The following EYS variants were observed in gnomAD, a reference collection of about 807,000 sequenced individuals.
EYS encodes EGF-like photoreceptor maintenance factor.
A neutral mutation model predicts 282.1 loss-of-function variants in EYS; 250 were observed. The ratio of observed to expected loss-of-function variants is 0.89; its 90% CI spans 0.80 to 0.98. EYS has a LOEUF of 0.98. EYS is among the 50% of genes least tolerant of loss of function. The pLI, the probability that EYS is intolerant of heterozygous loss-of-function variation, is 0.00. For missense variants in EYS, 4,016 were observed against 3,709.0 expected, an observed-to-expected ratio of 1.08 and a Z score of -2.15; for synonymous variants, 1,355 against 1,282.9, an observed-to-expected ratio of 1.06 and a Z score of -1.20.
intron 22 of EYS, among the ~76,000 whole-genome samples, chr6:64,759,854 T>C (rs927134254): frequency 2.0e-5 from 3 of 152,292 alleles, no homozygotes; most frequent in South Asian, 2.1e-4. Context: ...GGACAACATA[T>C]TACTGCTTAT....
rs1765149874 is a variant in EYS at position 65,469,968 on chromosome 6, T to C, written c.862+20626A>G. Among the ~76,000 whole-genome samples the C allele has an allele frequency of 2.0e-5, 3 of 152,204 alleles. No homozygotes were observed. In the South Asian group the frequency reaches 6.2e-4, roughly 31 times the overall value. On this transcript the variant is annotated intron_variant, in intron 5 of 42. Transcript: ENST00000503581. ...CCTCCACATGGCATTTTAAATTTTA[T>C]GTATGGCTTTTAAAAATTGTCTATA... is the stretch of plus-strand genomic sequence containing the variant.
Position 65,690,391 on chromosome 6 carries a change from G to C in EYS, c.-448+16744C>G, listed in dbSNP as rs571308178. ...AGCCCTATCTTATCCATATGGACAGGTGCCCCTCATGCGTCCGTTTATAAA... is the reference window on the plus strand; with the variant it reads ...AGCCCTATCTTATCCATATGGACAGCTGCCCCTCATGCGTCCGTTTATAAA... On this transcript the variant is annotated intron_variant, in intron 1 of 42. Coordinates refer to ENST00000503581, the MANE Select transcript of EYS (RefSeq NM_001142800.2). 2.7e-5 allele frequency among the ~76,000 whole-genome samples: 4 copies of C among 149,594 alleles called. No individual in the cohort carries two copies. In the Admixed American group the frequency reaches 2.7e-4, roughly 10 times the overall value.
At chr6:64,220,501 G>A (rs1395791966) in intron 31 of EYS, among the ~76,000 whole-genome samples, 1 of 152,104 alleles carries the variant, frequency 6.6e-6, no homozygotes, top group Non-Finnish European at 1.5e-5. Flanking sequence ...ATTGGATGAG[G>A]GGTAGTTCCC....
intron 29 of EYS, among the ~76,000 whole-genome samples, chr6:64,307,750 G>A (rs1769508759): frequency 1.3e-5 from 2 of 151,964 alleles, no homozygotes. Flanking sequence ...GTAACTATAT[G>A]TGATAATGGA....
At chr6:65,244,519 T>A (rs893069645) in intron 12 of EYS, among the ~76,000 whole-genome samples, 8 of 151,988 alleles carry the variant, frequency 5.3e-5, no homozygotes, top group African/African-American at 1.9e-4. Flanking sequence ...TTTATTTATT[T>A]ATTTATTATT....
chr6:65,310,572 G>A (rs1000069278), intron 11 of EYS, among the ~76,000 whole-genome samples: 4 of 152,038 alleles, frequency 2.6e-5, no homozygotes, highest in African/African-American at 9.7e-5. Context: ...TGCCCTTCAA[G>A]GCTCCATGTG....
chr6:65,210,931 AACACACACAC>A (rs59095242), intron 12 of EYS, among the ~76,000 whole-genome samples: 3 of 148,400 alleles, frequency 2.0e-5, no homozygotes, highest in Admixed American at 6.7e-5. Context: ...AAGTCGTACA[AACACACACAC>A]ACACACACAC....
At chr6:64,086,885 A>G (rs1371022637) in intron 31 of EYS, among the ~76,000 whole-genome samples, 1 of 152,160 alleles carries the variant, frequency 6.6e-6, no homozygotes, top group Non-Finnish European at 1.5e-5. Flanking sequence ...AGAAACGATT[A>G]TAACATAGTT....
At chr6:64,328,805 T>G (rs988344376) in intron 29 of EYS, among the ~76,000 whole-genome samples, 4 of 151,986 alleles carry the variant, frequency 2.6e-5, no homozygotes, top group Non-Finnish European at 5.9e-5. Flanking sequence ...GAAGATGTGG[T>G]TGTGGTCATG....
chr6:65,058,998 C>G (rs569785545), intron 12 of EYS, among the ~76,000 whole-genome samples: 1 of 151,788 alleles, frequency 6.6e-6, no homozygotes, highest in South Asian at 2.1e-4. Flanking sequence ...TAATAGGAAT[C>G]AACGTACTGG....
chr6:65,533,005 T>G (rs1767834391), intron 2 of EYS, among the ~76,000 whole-genome samples: 1 of 152,006 alleles, frequency 6.6e-6, no homozygotes, highest in Non-Finnish European at 1.5e-5. Flanking sequence ...TATAGATTTT[T>G]AATAATAAAA....
rs1468963459 is a variant in EYS, at chr6:65,383,837, C to G, written c.1299+549G>C. 1.3e-5 allele frequency among the ~76,000 whole-genome samples: 2 copies of G among 151,784 alleles called. 1 individual carries two copies. Among genetic ancestry groups the G allele is most frequent in the Admixed American group, 1.3e-4 (2 of 15,160 alleles). ...ACACCATGATGAATTTGTCCGTTCT[C>G]TTATTTACCAGGTTTAGTTTCAGAT... On this transcript the variant is annotated intron_variant, in intron 8 of 42. Coordinates refer to ENST00000503581, the MANE Select transcript of EYS (RefSeq NM_001142800.2).
chr6:63,730,294 C>G (rs1019604213), intron 41 of EYS, among the ~76,000 whole-genome samples: 9 of 152,134 alleles, frequency 5.9e-5, no homozygotes, highest in Non-Finnish European at 1.2e-4. Context: ...GATCTTTTTA[C>G]TTTTTGTCTT....
chr6:65,381,908 T>A (rs906011276), intron 8 of EYS, among the ~76,000 whole-genome samples: 2 of 151,990 alleles, frequency 1.3e-5, no homozygotes, highest in African/African-American at 4.8e-5. Context: ...CTGTTTTACA[T>A]AAAAGTAAGG....
At chr6:64,411,937 G>A (rs1373368101) in intron 28 of EYS, among the ~76,000 whole-genome samples, 5 of 151,108 alleles carry the variant, frequency 3.3e-5, no homozygotes, top group Admixed American at 2.6e-4. Context: ...ATGTATATAT[G>A]TTTATATATG....
intron 31 of EYS, among the ~76,000 whole-genome samples, chr6:64,110,984 A>G (rs1283780757): frequency 3.3e-5 from 5 of 152,036 alleles, no homozygotes; most frequent in African/African-American, 1.2e-4. Context: ...GAAGAATCAT[A>G]GGGCAGTAGC....
At chr6:64,261,295 C>A (rs1198127536) in intron 30 of EYS, among the ~76,000 whole-genome samples, 1 of 151,932 alleles carries the variant, frequency 6.6e-6, no homozygotes, top group Non-Finnish European at 1.5e-5. Context: ...GAGATAACAC[C>A]AAGCTAAAAA....
At chr6:65,541,721 T>C (rs570637018) in intron 2 of EYS, among the ~76,000 whole-genome samples, 1 of 152,208 alleles carries the variant, frequency 6.6e-6, no homozygotes, top group Non-Finnish European at 1.5e-5. Context: ...TAATAGTGTA[T>C]TTATTAGAAA....
chr6:65,591,375 T>C (rs958617593), intron 2 of EYS, among the ~76,000 whole-genome samples: 15 of 151,968 alleles, frequency 9.9e-5, no homozygotes, highest in South Asian at 2.1e-4. Context: ...TATGTGTATA[T>C]ATATGTGTGT....
Sources: allele counts gnomAD v4.1 joint callset (sites outside exome capture counted in the v4.1 genomes callset), GRCh38; gene constraint gnomAD v4.1.1; transcripts MANE v1.5; gene names NCBI Gene and HGNC (gene_info 2026-07-23, HGNC 2026-07-21).